The following CCDC15 variants were observed in gnomAD, a reference collection of about 807,000 sequenced individuals.
CCDC15 encodes coiled-coil domain containing 15, also known as coiled-coil domain-containing protein 15.
A neutral mutation model predicts 114.5 loss-of-function variants in CCDC15; 105 were observed. That is an observed-to-expected ratio of 0.92 (90% CI 0.78 to 1.08). CCDC15 has a LOEUF of 1.08. Ranked by LOEUF, CCDC15 falls within the 50% of genes least tolerant of loss-of-function variation. CCDC15 has a pLI of 0.00. For synonymous variants in CCDC15, 334 were observed against 377.8 expected, an observed-to-expected ratio of 0.88 and a Z score of 1.34; for missense variants, 1,105 against 1,093.6, an observed-to-expected ratio of 1.01 and a Z score of -0.15.
At position 124,996,027 on chromosome 11, in the gene CCDC15, G is replaced by C. The variant is rs185850404; in HGVS notation, c.2214+2784G>C. Reference sequence around the variant, plus strand: ...GTATTTTTAGTAGAGATGGGGTTTCGTCATGTTTGCCATGCTGGTCTCAAA... The same window carrying C: ...GTATTTTTAGTAGAGATGGGGTTTCCTCATGTTTGCCATGCTGGTCTCAAA... On this transcript the variant is annotated intron_variant, in intron 11 of 15. Coordinates refer to ENST00000344762, the MANE Select transcript of CCDC15 (RefSeq NM_025004.3). Among the ~76,000 whole-genome samples, 19 of 151,764 alleles carry C rather than the reference G, an allele frequency of 1.3e-4. 1 individual carries two copies. Among genetic ancestry groups the C allele is most frequent in the African/African-American group, 4.3e-4 (18 of 41,390 alleles).
chr11:124,984,392 C>T (rs1948122931), intron 6 of CCDC15, among the ~76,000 whole-genome samples: 1 of 152,032 alleles, frequency 6.6e-6, no homozygotes, highest in African/African-American at 2.4e-5. Flanking sequence ...GGGCTGGGGC[C>T]CTGGGAGAGG....
intron 6 of CCDC15, among the ~76,000 whole-genome samples, chr11:124,982,606 A>G (rs770171198): frequency 1.3e-5 from 2 of 152,198 alleles, no homozygotes; most frequent in Non-Finnish European, 2.9e-5. Flanking sequence ...AGAATGCTTA[A>G]TATAGGCCCC....
At chr11:124,967,933 A>G (rs1458690304) in intron 4 of CCDC15, among the ~76,000 whole-genome samples, 1 of 152,196 alleles carries the variant, frequency 6.6e-6, no homozygotes, top group Non-Finnish European at 1.5e-5. Context: ...GGTCCACTCC[A>G]GATCCTGTTT....
chr11:125,009,408 A>C (rs951522143), intron 13 of CCDC15, among the ~76,000 whole-genome samples: 14 of 152,234 alleles, frequency 9.2e-5, no homozygotes, highest in Admixed American at 7.2e-4. Context: ...GTATAATACT[A>C]TAACAAAATT....
intron 4 of CCDC15, among the ~76,000 whole-genome samples, chr11:124,961,948 C>A (rs1022804750): frequency 2.6e-5 from 4 of 151,802 alleles, no homozygotes; most frequent in Admixed American, 1.3e-4. Context: ...GGAGAATAAC[C>A]AAAAATGGGG....
intron 4 of CCDC15, among the ~76,000 whole-genome samples, chr11:124,966,803 T>C (rs1188609678): frequency 6.6e-6 from 1 of 152,226 alleles, no homozygotes; most frequent in Non-Finnish European, 1.5e-5. Flanking sequence ...CCATGTTTAG[T>C]GCTTCCTTCA....
chr11:125,012,681 A>G (rs1250168446), intron 13 of CCDC15, among the ~76,000 whole-genome samples: 1 of 152,222 alleles, frequency 6.6e-6, no homozygotes, highest in East Asian at 1.9e-4. Context: ...GAAAACATAT[A>G]TAAACAGAAT....
In CCDC15 at chr11:124,986,694, T is replaced by C. The variant is rs963418825; in HGVS notation, c.754-48T>C. 10 of 1,438,728 alleles carry C rather than the reference T, an allele frequency of 7.0e-6. No individual in the cohort carries two copies. The African/African-American group carries it at 7.8e-5, about 11-fold the overall frequency. 89.1% of individuals were successfully genotyped at this position (1,438,728 alleles called of 1,614,324 possible). Reference sequence around the variant, plus strand: ...GTGTGTGTGTGTGTGTGTGTGTTTGTGTGTGTGCGCGCGCGCGCGTGCGCG... The same window carrying C: ...GTGTGTGTGTGTGTGTGTGTGTTTGCGTGTGTGCGCGCGCGCGCGTGCGCG... On this transcript the variant is annotated intron_variant, in intron 6 of 15. Transcript: ENST00000344762.
chr11:124,980,466 C>T (rs924351201), intron 6 of CCDC15, among the ~76,000 whole-genome samples: 2 of 152,126 alleles, frequency 1.3e-5, no homozygotes, highest in African/African-American at 4.8e-5. Context: ...TTGGTCTATT[C>T]AGGGATTCAG....
At chr11:125,034,395 A>T (rs1185005222) in intron 13 of CCDC15, among the ~76,000 whole-genome samples, 1 of 152,186 alleles carries the variant, frequency 6.6e-6, no homozygotes, top group South Asian at 2.1e-4. Context: ...CAGGCCAGCC[A>T]CTCGCGTGAT....
intron 6 of CCDC15, among the ~76,000 whole-genome samples, chr11:124,984,167 A>G (rs1488694009): frequency 1.3e-5 from 2 of 152,136 alleles, no homozygotes; most frequent in African/African-American, 4.8e-5. Context: ...CTGCCTGCAC[A>G]CACACATGTG....
intron 4 of CCDC15, among the ~76,000 whole-genome samples, chr11:124,968,069 C>T (rs975971432): frequency 6.6e-6 from 1 of 152,184 alleles, no homozygotes; most frequent in East Asian, 1.9e-4. Flanking sequence ...GTCAGTCGGT[C>T]CCTACTGGGA....
intron 6 of CCDC15, 51 bp from the exon 7 acceptor site, chr11:124,986,691 T>TGTGTGTG (rs1555068459): frequency 0.013 from 15,250 of 1,215,792 alleles, 281 homozygotes; most frequent in Middle Eastern, 0.032. Flanking sequence ...GTGTGTGTGT[T>TGTGTGTG]TGTGTGTGTG....
At chr11:125,032,251 C>A (rs1277948862) in intron 13 of CCDC15, among the ~76,000 whole-genome samples, 1 of 152,228 alleles carries the variant, frequency 6.6e-6, no homozygotes, top group Non-Finnish European at 1.5e-5. Flanking sequence ...TGATATACCC[C>A]TGAGGTAGGA....
chr11:124,955,776 T>G (rs1442775269), intron 2 of CCDC15, among the ~76,000 whole-genome samples: 1 of 152,198 alleles, frequency 6.6e-6, no homozygotes, highest in African/African-American at 2.4e-5. Flanking sequence ...TATACTATAT[T>G]CATTTTATTT....
chr11:125,037,379 C>T (rs759931524), intron 13 of CCDC15: 26 of 152,222 alleles, frequency 1.7e-4, no homozygotes, highest in Non-Finnish European at 3.5e-4. Context: ...TCACTGTTCT[C>T]TTTTATTTTG....
intron 13 of CCDC15, among the ~76,000 whole-genome samples, chr11:125,015,964 G>A (rs1948626893): frequency 6.6e-6 from 1 of 151,954 alleles, no homozygotes; most frequent in East Asian, 1.9e-4. Flanking sequence ...TGGACCAAAT[G>A]GAAACAAAGC....
At chr11:124,989,733 C>A (rs1948237805) in intron 8 of CCDC15, among the ~76,000 whole-genome samples, 1 of 152,178 alleles carries the variant, frequency 6.6e-6, no homozygotes, top group Non-Finnish European at 1.5e-5. Context: ...CACCTTATTT[C>A]CTTAAACCTC....
rs779555365 is a variant in CCDC15 at position 125,040,606 on chromosome 11, A to G, written c.2751A>G (p.Leu917=). 1.9e-6 allele frequency: 3 copies of G among 1,609,768 alleles called. No homozygotes were observed. Among genetic ancestry groups the G allele is most frequent in the African/African-American group, 1.3e-5 (1 of 74,896 alleles). Reference sequence around the variant, plus strand: ...TTTTTGCAGCATATACTCGGGCACTACATTCATTCATCAATTCCTGTGATG... The same window carrying G: ...TTTTTGCAGCATATACTCGGGCACTGCATTCATTCATCAATTCCTGTGATG... ...YKNHRAYTRA[L]HSFINSCDVP... is the part of the protein sequence containing the mutation. Residue 917 remains leucine (L), a synonymous_variant, in exon 16 of 16, where the codon CTA becomes CTG. Transcript: ENST00000344762.
Sources: allele counts gnomAD v4.1 joint callset (sites outside exome capture counted in the v4.1 genomes callset), GRCh38; gene constraint gnomAD v4.1.1; transcripts MANE v1.5; gene names NCBI Gene and HGNC (gene_info 2026-07-23, HGNC 2026-07-21).